OPA1: variants seen among roughly 807,000 people sequenced by gnomAD.
The protein encoded by OPA1 is OPA1 mitochondrial dynamin like GTPase, also known as dynamin-like GTPase OPA1, mitochondrial.
OPA1 carries 59 observed loss-of-function variants against 152.9 expected under a neutral mutation model. That is an observed-to-expected ratio of 0.39 (90% CI 0.31 to 0.48). The LOEUF is 0.48. OPA1 is among the 20% of genes least tolerant of loss of function. The pLI is 0.96. For missense variants in OPA1, 1,008 were observed against 1,216.8 expected (o/e 0.83, Z 2.55); for synonymous variants, 400 against 389.9 (o/e 1.03, Z -0.31).
chr3:193,632,358 G>A (rs1231204424), intron 8 of OPA1, among the ~76,000 whole-genome samples: 2 of 152,142 alleles, frequency 1.3e-5, no homozygotes, highest in East Asian at 3.9e-4. Context: ...GCAGGCGCCT[G>A]TAGTCCCAGC....
chr3:193,625,985 A>T, intron 6 of OPA1, 107 bp from the exon 7 acceptor site: 2 of 848,928 alleles, frequency 2.4e-6, no homozygotes, highest in Non-Finnish European at 4.1e-6. Context: ...TTTCTGTTTT[A>T]AGTTAACCAT....
At chr3:193,650,991 T>G (rs1373924191) in intron 21 of OPA1, among the ~76,000 whole-genome samples, 5 of 152,100 alleles carry the variant, frequency 3.3e-5, no homozygotes, top group Non-Finnish European at 7.4e-5. Flanking sequence ...TGAATAAGTG[T>G]TAAGGCAGAG....
intron 23 of OPA1, among the ~76,000 whole-genome samples, chr3:193,658,424 C>T (rs1173002658): frequency 6.6e-6 from 1 of 151,934 alleles, no homozygotes; most frequent in East Asian, 1.9e-4. Context: ...AAATGTCTAC[C>T]TTATTACTTT....
intron 29 of OPA1, among the ~76,000 whole-genome samples, chr3:193,686,639 C>T (rs1302733793): frequency 6.6e-6 from 1 of 152,128 alleles, no homozygotes; most frequent in Admixed American, 6.5e-5. Flanking sequence ...ACCCTAGATT[C>T]ATTTAAATAC....
chr3:193,632,736 G>T (rs1418695271), intron 8 of OPA1, among the ~76,000 whole-genome samples: 1 of 151,918 alleles, frequency 6.6e-6, no homozygotes, highest in Non-Finnish European at 1.5e-5. Flanking sequence ...GCCAGGTGTG[G>T]TGGTTGTGCC....
chr3:193,685,316 C>T (rs1464420354), intron 29 of OPA1, among the ~76,000 whole-genome samples: 2 of 151,748 alleles, frequency 1.3e-5, no homozygotes, highest in African/African-American at 4.8e-5. Flanking sequence ...AAAAAAAAAG[C>T]TGAATTTATC....
chr3:193,599,091 T>G (rs1726059646), intron 1 of OPA1, among the ~76,000 whole-genome samples: 1 of 152,206 alleles, frequency 6.6e-6, no homozygotes, highest in Non-Finnish European at 1.5e-5. Context: ...CACCTAACTT[T>G]AGGCTCTTCC....
intron 1 of OPA1, among the ~76,000 whole-genome samples, chr3:193,610,423 A>G (rs570133523): frequency 3.9e-5 from 6 of 152,136 alleles, no homozygotes; most frequent in Non-Finnish European, 5.9e-5. Flanking sequence ...GTACCCGGCC[A>G]TGTGAGGTGT....
intron 7 of OPA1, 116 bp downstream of exon 7, chr3:193,626,318 A>G: frequency 1.3e-6 from 1 of 771,172 alleles, no homozygotes; most frequent in South Asian, 1.5e-5. Context: ...AATTTGACAA[A>G]GTGAAAATAT....
intron 6 of OPA1, among the ~76,000 whole-genome samples, chr3:193,620,716 A>G (rs1370965868): frequency 2.0e-5 from 3 of 152,198 alleles, no homozygotes; most frequent in Admixed American, 6.5e-5. Context: ...AAATGCTACT[A>G]TAAAAATTTA....
At chr3:193,613,672 G>A (rs185822900) in intron 1 of OPA1, among the ~76,000 whole-genome samples, 9 of 151,992 alleles carry the variant, frequency 5.9e-5, no homozygotes, top group Admixed American at 3.9e-4. Context: ...CTGCCTCCTG[G>A]GTTCAAGTGA....
intron 25 of OPA1, among the ~76,000 whole-genome samples, chr3:193,660,198 T>C (rs1577310268): frequency 6.6e-6 from 1 of 152,188 alleles, no homozygotes; most frequent in Non-Finnish European, 1.5e-5. Context: ...TTTATTATCT[T>C]ATCTATATCT....
At chr3:193,672,634 C>T (rs1235303379) in intron 29 of OPA1, among the ~76,000 whole-genome samples, 2 of 151,970 alleles carry the variant, frequency 1.3e-5, no homozygotes, top group Admixed American at 1.3e-4. Flanking sequence ...TATGGGAGGC[C>T]GAGGCGGGTG....
At chr3:193,608,181 G>GT (rs1399723987) in intron 1 of OPA1, among the ~76,000 whole-genome samples, 2 of 152,072 alleles carry the variant, frequency 1.3e-5, no homozygotes, top group Non-Finnish European at 2.9e-5. Flanking sequence ...TTTTTGAAGG[G>GT]TTTTTTGTGT....
chr3:193,668,367 T>C, intron 29 of OPA1: 2 of 1,551,210 alleles, frequency 1.3e-6, no homozygotes, highest in Non-Finnish European at 1.7e-6. Flanking sequence ...GGCCACCACA[T>C]GGCGCCGCAC....
At chr3:193,630,465 A>G (rs1731904828) in intron 7 of OPA1, among the ~76,000 whole-genome samples, 1 of 151,766 alleles carries the variant, frequency 6.6e-6, no homozygotes, top group East Asian at 1.9e-4. Flanking sequence ...AGAAATAGGA[A>G]TTAAAATCTT....
chr3:193,596,237 A>G (rs1427507576), intron 1 of OPA1, among the ~76,000 whole-genome samples: 1 of 124,286 alleles, frequency 8.0e-6, no homozygotes, highest in Non-Finnish European at 1.7e-5. Flanking sequence ...GTCCTGGGGA[A>G]TTTCCTTAAT....
At chr3:193,632,418 T>C (rs1450842614) in intron 8 of OPA1, among the ~76,000 whole-genome samples, 1 of 151,982 alleles carries the variant, frequency 6.6e-6, no homozygotes, top group East Asian at 1.9e-4. Context: ...GAGGCGGAGC[T>C]TGCAGTGAGC....
At chr3:193,668,813 G>A (rs776733391) in intron 29 of OPA1, 15 of 1,154,280 alleles carry the variant, frequency 1.3e-5, no homozygotes, top group Non-Finnish European at 1.6e-5. Context: ...GTTGTTTCTT[G>A]TAGGTTCCTA....
Sources: allele counts gnomAD v4.1 joint callset (sites outside exome capture counted in the v4.1 genomes callset), GRCh38; gene constraint gnomAD v4.1.1; transcripts MANE v1.5; gene names NCBI Gene and HGNC (gene_info 2026-07-23, HGNC 2026-07-21).